CFAP20DC: variants seen among roughly 807,000 people sequenced by gnomAD.
CFAP20DC encodes protein CFAP20DC.
CFAP20DC carries 84 observed loss-of-function variants against 101.7 expected under a neutral mutation model. The observed-to-expected ratio is 0.83, with a 90% CI of 0.69 to 0.99. CFAP20DC has a LOEUF of 0.99. CFAP20DC is among the 50% of genes least tolerant of loss of function. CFAP20DC has a pLI of 0.00. For missense variants in CFAP20DC, 1,007 were observed against 970.3 expected (o/e 1.04, Z -0.50); for synonymous variants, 359 against 351.2 (o/e 1.02, Z -0.25).
chr3:58,841,706 A>G (rs1274766588), intron 13 of CFAP20DC, among the ~76,000 whole-genome samples: 1 of 152,224 alleles, frequency 6.6e-6, no homozygotes, highest in Non-Finnish European at 1.5e-5. Flanking sequence ...CAAAAGTTAT[A>G]TGGCTCATTT....
chr3:58,930,477 G>A (rs1576350856), intron 5 of CFAP20DC, among the ~76,000 whole-genome samples: 1 of 152,114 alleles, frequency 6.6e-6, no homozygotes, highest in Non-Finnish European at 1.5e-5. Flanking sequence ...GATTTTAGAC[G>A]GTACATGGGT....
intron 15 of CFAP20DC, among the ~76,000 whole-genome samples, chr3:58,773,759 G>T (rs1019282132): frequency 3.3e-5 from 5 of 152,090 alleles, no homozygotes; most frequent in Non-Finnish European, 1.5e-5. Context: ...TCATTCAAGA[G>T]CCTGATTTAT....
At chr3:58,980,717 G>A (rs921471266) in intron 4 of CFAP20DC, among the ~76,000 whole-genome samples, 6 of 152,230 alleles carry the variant, frequency 3.9e-5, no homozygotes, top group East Asian at 1.9e-4. Context: ...AAAATAATAA[G>A]AGCCATCTAT....
chr3:58,732,315 A>C lies in CFAP20DC; in HGVS notation c.198-14687T>G, dbSNP rs141190753. Among the ~76,000 whole-genome samples the C allele has an allele frequency of 2.1e-3, 325 of 152,326 alleles. No individual in the cohort carries two copies. The highest frequency in any genetic ancestry group is 3.5e-3 in the Admixed American group (54 of 15,296). On this transcript the variant is annotated intron_variant, in intron 3 of 3. Coordinates refer to the CFAP20DC transcript ENST00000486145. This position sits in a 1 kb window ranked among gnomAD's most constrained non-coding sequence, Gnocchi z 5.4. ...AGTAGAAATGCCACAGGAATAACAC[A>C]AAATGCATTTTTAAAAACTACTGAG...
Position 58,882,409 on chromosome 3 carries a change from A to C in CFAP20DC, c.715+2136T>G, listed in dbSNP as rs2081294515. Among the ~76,000 whole-genome samples, 1 of 152,158 alleles carries C rather than the reference A, an allele frequency of 6.6e-6. No homozygotes were observed. Among genetic ancestry groups the C allele is most frequent in the African/African-American group, 2.4e-5 (1 of 41,444 alleles). ...TTAAAATATCGGGATATAGACTTGC[A>C]CTTTCATTTAAAGACATAATTAATT... On this transcript the variant is annotated intron_variant, in intron 7 of 16. Coordinates refer to ENST00000482387, the MANE Select transcript of CFAP20DC (RefSeq NM_001394063.1). The surrounding 1 kb of genome is among the most constrained non-coding windows in gnomAD (Gnocchi z 4.2).
intron 13 of CFAP20DC, 87 bp downstream of exon 13, chr3:58,848,945 G>C (rs1404707657): frequency 7.1e-7 from 1 of 1,409,560 alleles, no homozygotes; most frequent in Non-Finnish European, 9.3e-7. Flanking sequence ...TGATGAAAAA[G>C]AGATACTGCT....
intron 5 of CFAP20DC, among the ~76,000 whole-genome samples, chr3:58,927,784 C>A (rs1397055080): frequency 6.6e-6 from 1 of 152,168 alleles, no homozygotes. Context: ...GAGATGGCAT[C>A]TTGAATGGGT....
chr3:59,040,718 G>A (rs925422816), intron 3 of CFAP20DC, among the ~76,000 whole-genome samples: 3 of 151,978 alleles, frequency 2.0e-5, no homozygotes, highest in Non-Finnish European at 4.4e-5. Flanking sequence ...AGAACTTCTG[G>A]TATATGATTC....
In CFAP20DC at chr3:58,849,264, G is replaced by A; in HGVS notation, c.1739C>T (p.Thr580Ile). The A allele has an allele frequency of 6.5e-7, 1 of 1,536,074 alleles. No homozygotes were observed. Among genetic ancestry groups the A allele is most frequent in the African/African-American group, 1.4e-5 (1 of 73,132 alleles). The change falls in exon 13 of 17, where the codon ACA (threonine) becomes ATA (isoleucine). Residue 580 changes from threonine to isoleucine, a missense_variant. Transcript: ENST00000482387. ...LRSAYTEAGA[T>I]ESQDSSMEQI... ...CTCCATCGAGGAATCCTGGCTTTCT[G>A]TTGCTCCTGCTTCTGTGTAGGCGCT...
chr3:59,040,580 A>G (rs951364929), intron 3 of CFAP20DC, among the ~76,000 whole-genome samples: 1 of 152,010 alleles, frequency 6.6e-6, no homozygotes, highest in Non-Finnish European at 1.5e-5. Context: ...ACAGACCAAC[A>G]CGTGGATTAA....
intron 4 of CFAP20DC, among the ~76,000 whole-genome samples, chr3:59,029,482 T>C (rs2093950280): frequency 6.6e-6 from 1 of 151,674 alleles, no homozygotes; most frequent in Non-Finnish European, 1.5e-5. Context: ...GGCAAAGAGA[T>C]GGGGACAGAA....
Position 59,001,935 on chromosome 3 carries a change from G to C in CFAP20DC, c.278+37622C>G, listed in dbSNP as rs1191609761. 6.6e-6 allele frequency among the ~76,000 whole-genome samples: 1 copy of C among 152,160 alleles called. No homozygotes were observed. The highest frequency in any genetic ancestry group is 1.5e-5 in the Non-Finnish European group (1 of 68,038). ...GTGGTAAAGAAGAGATTCCAAAACA[G>C]AGACATTCTAAATTGAAAAAGTGAA... On this transcript the variant is annotated intron_variant, in intron 4 of 16. Transcript: ENST00000482387. The surrounding 1 kb of genome is among the most constrained non-coding windows in gnomAD (Gnocchi z 4.5).
At chr3:58,891,585 G>A (rs898020984) in intron 6 of CFAP20DC, among the ~76,000 whole-genome samples, 1 of 151,998 alleles carries the variant, frequency 6.6e-6, no homozygotes, top group Admixed American at 6.5e-5. Context: ...TTTCATGTTC[G>A]TTGGCTGCAT....
intron 15 of CFAP20DC, among the ~76,000 whole-genome samples, chr3:58,760,249 C>T (rs1398557283): frequency 2.0e-5 from 3 of 152,324 alleles, no homozygotes; most frequent in Non-Finnish European, 1.5e-5. Flanking sequence ...AGGTCCTTCA[C>T]ATCCCTTGTA....
rs1178705909 is a variant in CFAP20DC at position 58,788,701 on chromosome 3, C to T, written c.2237+17694G>A. 6.6e-6 allele frequency among the ~76,000 whole-genome samples: 1 copy of T among 152,076 alleles called. No individual in the cohort carries two copies. Among genetic ancestry groups the T allele is most frequent in the Non-Finnish European group, 1.5e-5 (1 of 68,016 alleles). ...GGGCACTAATCTAGTATATAAATTGCACAGTTTTTAATCTCAGCTTAAACT... is the reference window on the plus strand; with the variant it reads ...GGGCACTAATCTAGTATATAAATTGTACAGTTTTTAATCTCAGCTTAAACT... On this transcript the variant is annotated intron_variant, in intron 15 of 16. Coordinates refer to ENST00000482387, the MANE Select transcript of CFAP20DC (RefSeq NM_001394063.1). The surrounding 1 kb of genome is among the most constrained non-coding windows in gnomAD (Gnocchi z 4.2).
At chr3:58,935,094 T>C (rs1256490170) in intron 5 of CFAP20DC, among the ~76,000 whole-genome samples, 1 of 152,170 alleles carries the variant, frequency 6.6e-6, no homozygotes, top group African/African-American at 2.4e-5. Context: ...ACAAAATCAA[T>C]GTGCAAAAAT....
At chr3:58,911,063 A>C (rs1234150260) in intron 6 of CFAP20DC, among the ~76,000 whole-genome samples, 1 of 152,134 alleles carries the variant, frequency 6.6e-6, no homozygotes, top group Non-Finnish European at 1.5e-5. Context: ...GGAAACTATA[A>C]AAAAGAACCA....
intron 4 of CFAP20DC, among the ~76,000 whole-genome samples, chr3:58,963,240 G>GTGTGTGTGTT (rs1221577044): frequency 2.0e-5 from 3 of 147,082 alleles, no homozygotes; most frequent in Non-Finnish European, 3.0e-5. Context: ...GTGTGTGTGT[G>GTGTGTGTGTT]TTTTAATAAA....
chr3:58,970,113 A>G (rs1485620428), intron 4 of CFAP20DC, among the ~76,000 whole-genome samples: 4 of 152,210 alleles, frequency 2.6e-5, no homozygotes, highest in Admixed American at 6.6e-5. Flanking sequence ...AGGTATAGAT[A>G]AAATGAGAAC....
Sources: allele counts gnomAD v4.1 joint callset (sites outside exome capture counted in the v4.1 genomes callset), GRCh38; gene constraint gnomAD v4.1.1; non-coding constraint Gnocchi (gnomAD v3.1); transcripts MANE v1.5; gene names NCBI Gene and HGNC (gene_info 2026-07-23, HGNC 2026-07-21).